Variants in COL27A1 observed in about 807,000 individuals in gnomAD.
COL27A1 encodes collagen type XXVII alpha 1 chain.
Under a neutral mutation model 251.3 loss-of-function variants are expected in COL27A1, and 106 were observed. The ratio of observed to expected loss-of-function variants is 0.42; its 90% CI spans 0.36 to 0.50. COL27A1 has a LOEUF of 0.50. Ranked by LOEUF, COL27A1 falls within the 20% of genes least tolerant of loss-of-function variation. The pLI is 0.00. For synonymous variants in COL27A1, 1,000 were observed against 986.3 expected (o/e 1.01, Z -0.26); for missense variants, 2,325 against 2,522.8 (o/e 0.92, Z 1.68).
intron 22 of COL27A1, 119 bp downstream of exon 22, chr9:114,242,350 C>A: frequency 1.2e-6 from 1 of 821,894 alleles, no homozygotes; most frequent in Non-Finnish European, 1.9e-6. Context: ...CTTGGACCAG[C>A]CAGAGAGAGA....
Position 114,267,522 on chromosome 9 carries a change from G to A in COL27A1, c.3466G>A (p.Gly1156Arg). 1 of 1,598,414 alleles carries A rather than the reference G, an allele frequency of 6.3e-7. No individual in the cohort carries two copies. Among genetic ancestry groups the A allele is most frequent in the Non-Finnish European group, 8.5e-7 (1 of 1,175,016 alleles). Residue 1156 changes from glycine (G) to arginine (R), a missense_variant, in exon 34 of 61, where the codon GGA becomes AGA. Transcript: ENST00000356083. ...MGPKGPPGAV[G>R]EPGLPGEAGM... ...CTTTCAGGGGCCGCCTGGTGCAGTGGGAGAACCGGGCCTTCCTGGGGAAGC... is the reference window on the plus strand; with the variant it reads ...CTTTCAGGGGCCGCCTGGTGCAGTGAGAGAACCGGGCCTTCCTGGGGAAGC...
chr9:114,191,282 C>T (rs529174598), intron 5 of COL27A1, among the ~76,000 whole-genome samples: 17 of 152,096 alleles, frequency 1.1e-4, no homozygotes, highest in Non-Finnish European at 1.9e-4. Flanking sequence ...TTTTAAGTTT[C>T]GGGCCACATG....
chr9:114,243,468 C>T, intron 22 of COL27A1, 39 bp from the exon 23 acceptor site: 1 of 1,596,688 alleles, frequency 6.3e-7, no homozygotes, highest in Non-Finnish European at 8.6e-7. Context: ...CATGTTGCCC[C>T]TGTCCAGCTT....
At chr9:114,288,892 C>A in intron 43 of COL27A1, 22 bp from the exon 44 acceptor site, 1 of 1,613,682 alleles carries the variant, frequency 6.2e-7, no homozygotes, top group Admixed American at 1.7e-5. Flanking sequence ...GCCCCCCTCA[C>A]CTGTCTCTCT....
intron 27 of COL27A1, among the ~76,000 whole-genome samples, chr9:114,256,850 G>A (rs1833954337): frequency 6.6e-6 from 1 of 152,218 alleles, no homozygotes; most frequent in Non-Finnish European, 1.5e-5. Flanking sequence ...AGCACTCTAT[G>A]CCTTGATGTA....
At chr9:114,280,137 C>T (rs1006417733) in intron 37 of COL27A1, among the ~76,000 whole-genome samples, 21 of 151,988 alleles carry the variant, frequency 1.4e-4, no homozygotes, top group Admixed American at 2.6e-4. Context: ...TTACAGTTGA[C>T]AATGTAGGTT....
intron 3 of COL27A1, among the ~76,000 whole-genome samples, chr9:114,172,581 G>A (rs1219483710): frequency 2.6e-5 from 4 of 152,182 alleles, no homozygotes; most frequent in East Asian, 3.9e-4. Context: ...CGAGGCAGGC[G>A]GATCACTTGA....
chr9:114,307,533 C>G (rs910114684), intron 58 of COL27A1, 136 bp from the exon 59 acceptor site: 2 of 681,390 alleles, frequency 2.9e-6, no homozygotes, highest in African/African-American at 3.6e-5. Flanking sequence ...GGAGGAATCC[C>G]TTTTCTGCTC....
At chr9:114,182,202 AT>A (rs1247517316) in intron 4 of COL27A1, among the ~76,000 whole-genome samples, 2 of 144,984 alleles carry the variant, frequency 1.4e-5, no homozygotes, top group African/African-American at 2.5e-5. Flanking sequence ...AATAATAAAA[AT>A]AATAAAATAA....
chr9:114,301,637 A>G (rs769646048), intron 54 of COL27A1, 45 bp from the exon 55 acceptor site: 1 of 1,573,458 alleles, frequency 6.4e-7, no homozygotes, highest in Non-Finnish European at 8.6e-7. Context: ...GGAGAGATGA[A>G]GACCCTGTGG....
chr9:114,174,228 C>T (rs568824695), intron 3 of COL27A1, among the ~76,000 whole-genome samples: 40 of 152,216 alleles, frequency 2.6e-4, no homozygotes, highest in Middle Eastern at 3.4e-3. Context: ...AGGGCCCAGA[C>T]TCACTGGGGA....
At chr9:114,297,760 G>A (rs983625932) in intron 49 of COL27A1, among the ~76,000 whole-genome samples, 7 of 152,020 alleles carry the variant, frequency 4.6e-5, no homozygotes, top group Non-Finnish European at 1.0e-4. Context: ...CCAAGATCAG[G>A]AGCAAGCCAA....
intron 1 of COL27A1, among the ~76,000 whole-genome samples, chr9:114,159,026 T>G (rs1374420665): frequency 6.6e-6 from 1 of 152,230 alleles, no homozygotes; most frequent in Non-Finnish European, 1.5e-5. Flanking sequence ...AATGGCCTTC[T>G]TCCACTCTGA....
intron 11 of COL27A1, 33 bp from the exon 12 acceptor site, chr9:114,210,949 T>C: frequency 6.2e-7 from 1 of 1,613,438 alleles, no homozygotes; most frequent in Non-Finnish European, 8.5e-7. Flanking sequence ...GCTGGCATCC[T>C]GCCCTGACCT....
chr9:114,294,629 A>AG (rs1250814044), intron 49 of COL27A1, among the ~76,000 whole-genome samples: 1 of 152,252 alleles, frequency 6.6e-6, no homozygotes, highest in Non-Finnish European at 1.5e-5. Context: ...AAAGCATTTG[A>AG]GAAAAATCTA....
Position 114,245,393 on chromosome 9 carries a change from G to A in COL27A1, c.2935-473G>A, listed in dbSNP as rs567841305. Among the ~76,000 whole-genome samples, 19 of 152,204 alleles carry A rather than the reference G, an allele frequency of 1.2e-4. No individual in the cohort carries two copies. In the South Asian group the frequency reaches 3.9e-3, roughly 32 times the overall value. ...GCTGGTCTCGAACTCCTGACCTCAG[G>A]TGATTCGCCTGCCTCGGGTTCCCAA... On this transcript the variant is annotated intron_variant, in intron 23 of 60. Coordinates refer to ENST00000356083, the MANE Select transcript of COL27A1 (RefSeq NM_032888.4).
At chr9:114,204,542 C>G (rs1829809587) in intron 7 of COL27A1, among the ~76,000 whole-genome samples, 1 of 152,150 alleles carries the variant, frequency 6.6e-6, no homozygotes, top group Non-Finnish European at 1.5e-5. Context: ...TGGCCTATCC[C>G]TCCCTGGAAT....
Position 114,264,359 on chromosome 9 carries a change from C to G in COL27A1, c.3200C>G (p.Pro1067Arg), listed in dbSNP as rs1473879521. The change falls in exon 29 of 61, where the codon CCC (proline) becomes CGC (arginine). Residue 1067 changes from proline (P) to arginine (R), a missense_variant. This residue lies in a region of COL27A1 where 662 missense variants were observed against 795.3 expected (regional missense o/e 0.83). Transcript: ENST00000356083. ...GMRGAKGRRG[P>R]RGPDGPAGEQ... ...AGTCCCTTTTTCCTATTCCAGGGCCCCCGAGGACCGGACGGACCAGCTGGG... is the reference window on the plus strand; with the variant it reads ...AGTCCCTTTTTCCTATTCCAGGGCCGCCGAGGACCGGACGGACCAGCTGGG... 2 of 1,595,904 alleles carry G rather than the reference C, an allele frequency of 1.3e-6. No individual in the cohort carries two copies. The highest frequency in any genetic ancestry group is 1.7e-6 in the Non-Finnish European group (2 of 1,170,428).
rs557671756 is a variant in COL27A1 at position 114,277,887 on chromosome 9, A to T, written c.3717+2119A>T. ...CCTTTTTTAGTGAGTGTTGAGTATC[A>T]TGGCTGTGGAATGGGCAGGAACACA... On this transcript the variant is annotated intron_variant, in intron 37 of 60. Transcript: ENST00000356083. Among the ~76,000 whole-genome samples, 3 of 152,258 alleles carry T rather than the reference A, an allele frequency of 2.0e-5. No individual in the cohort carries two copies. The South Asian group carries it at 6.2e-4, about 32-fold the overall frequency.
Sources: gnomAD v4.1 joint callset for allele counts (sites outside exome capture counted in the v4.1 genomes callset) on GRCh38, gnomAD v4.1.1 for gene constraint, gnomAD v4.1.1 regional missense constraint, MANE v1.5 for transcripts, NCBI Gene and HGNC (gene_info 2026-07-23, HGNC 2026-07-21) for gene names.